Variants in AHCTF1 observed in about 807,000 individuals in gnomAD.
The protein encoded by AHCTF1 is AT-hook containing transcription factor 1.
In AHCTF1, 24 loss-of-function variants were observed where a neutral mutation model predicts 248.4. That is an observed-to-expected ratio of 0.10 (90% CI 0.07 to 0.14). AHCTF1 has a LOEUF of 0.14. AHCTF1 is among the 10% of genes least tolerant of loss of function. The pLI is 1.00. For synonymous variants in AHCTF1, 786 were observed against 929.8 expected (o/e 0.85, Z 2.81); for missense variants, 2,206 against 2,636.2 (o/e 0.84, Z 3.57).
At chr1:246,842,084 C>G (rs942504635) in intron 35 of AHCTF1, among the ~76,000 whole-genome samples, 3 of 151,942 alleles carry the variant, frequency 2.0e-5, no homozygotes, top group African/African-American at 7.3e-5. Context: ...TGAGCCACCA[C>G]GCCCGACCTC....
intron 33 of AHCTF1, among the ~76,000 whole-genome samples, chr1:246,847,472 T>C (rs1283952999): frequency 2.6e-5 from 4 of 152,176 alleles, no homozygotes; most frequent in African/African-American, 4.8e-5. Context: ...TATATACTTC[T>C]ATTTTAGAGT....
intron 11 of AHCTF1, among the ~76,000 whole-genome samples, chr1:246,898,958 G>C (rs1001930027): frequency 6.6e-6 from 1 of 152,160 alleles, no homozygotes; most frequent in South Asian, 2.1e-4. Flanking sequence ...GCGTGGTGGT[G>C]AGCACCTGTA....
At chr1:246,863,137 G>A (rs1164144740) in intron 27 of AHCTF1, among the ~76,000 whole-genome samples, 1 of 152,110 alleles carries the variant, frequency 6.6e-6, no homozygotes, top group Non-Finnish European at 1.5e-5. Context: ...ATACTATACT[G>A]AATATTTTAA....
intron 35 of AHCTF1, among the ~76,000 whole-genome samples, chr1:246,842,410 C>T (rs1232663255): frequency 2.0e-5 from 3 of 151,728 alleles, no homozygotes; most frequent in African/African-American, 4.8e-5. Context: ...GATAAAATGC[C>T]GTCTCTACTA....
At chr1:246,861,372 T>C in intron 28 of AHCTF1, 77 bp from the exon 29 acceptor site, 1 of 1,260,568 alleles carries the variant, frequency 7.9e-7, no homozygotes, top group Non-Finnish European at 1.1e-6. Context: ...CCCATCCCAA[T>C]CATACCCATA....
chr1:246,850,175 C>T lies in AHCTF1; in HGVS notation c.5831G>A (p.Ser1944Asn). 6.2e-7 allele frequency: 1 copy of T among 1,613,874 alleles called. No homozygotes were observed. Among genetic ancestry groups the T allele is most frequent in the South Asian group, 1.1e-5 (1 of 91,072 alleles). ...HVRRVRGREV[S>N]PSDVREDSNL... ...GGAGTCTTCTCTCACATCTGATGGA[C>T]TAACTTCTCTCCCTCTGACCCTTCT... Residue 1944 changes from serine (S) to asparagine (N), a missense_variant, in exon 33 of 36, where the codon AGT (serine) becomes AAT (asparagine). Transcript: ENST00000648844.
intron 33 of AHCTF1, among the ~76,000 whole-genome samples, chr1:246,847,076 C>T (rs1248468093): frequency 6.6e-6 from 1 of 152,158 alleles, no homozygotes; most frequent in Non-Finnish European, 1.5e-5. Flanking sequence ...TATCTGAGGT[C>T]AGGCGTTTGA....
chr1:246,893,917 T>G (rs1351794468), intron 14 of AHCTF1, among the ~76,000 whole-genome samples: 6 of 152,240 alleles, frequency 3.9e-5, no homozygotes, highest in African/African-American at 1.4e-4. Flanking sequence ...CAAAAATTAC[T>G]TTTGGCTGGA....
chr1:246,891,529 C>A (rs568260320), intron 15 of AHCTF1, among the ~76,000 whole-genome samples: 1 of 152,226 alleles, frequency 6.6e-6, no homozygotes, highest in Non-Finnish European at 1.5e-5. Context: ...AACTTTACTG[C>A]AAATACATTA....
At chr1:246,916,779 C>A (rs1425732899) in intron 2 of AHCTF1, among the ~76,000 whole-genome samples, 2 of 152,194 alleles carry the variant, frequency 1.3e-5, no homozygotes, top group Admixed American at 1.3e-4. Context: ...TACTGTTTAA[C>A]CTTCCCAAAG....
chr1:246,897,758 G>C (rs1664689992), intron 12 of AHCTF1, among the ~76,000 whole-genome samples: 3 of 152,024 alleles, frequency 2.0e-5, no homozygotes. Context: ...AGGTGGGAGG[G>C]TAACTTGAGG....
chr1:246,925,718 C>A (rs1666877317), intron 1 of AHCTF1, among the ~76,000 whole-genome samples: 1 of 152,106 alleles, frequency 6.6e-6, no homozygotes, highest in South Asian at 2.1e-4. Context: ...TAGGAGGTGT[C>A]TGGGTCATGG....
intron 8 of AHCTF1, among the ~76,000 whole-genome samples, chr1:246,902,214 C>T (rs1665052919): frequency 6.6e-6 from 1 of 152,188 alleles, no homozygotes; most frequent in African/African-American, 2.4e-5. Context: ...GTATGCCATA[C>T]ATGGCTCAAA....
At position 246,918,292 on chromosome 1, in the gene AHCTF1, C is replaced by T. The variant is rs769153631; in HGVS notation, c.79G>A (p.Glu27Lys). ...CGAAGCACAGATTCTAATGTTATTT[C>T]GTCTTCTCCAAGGGCTTGAAGAGTC... ...EVTLQALGEDEITLESVLRGK... is the reference protein window; with the variant it reads ...EVTLQALGEDKITLESVLRGK... Residue 27 changes from glutamate to lysine, a missense_variant, in exon 2 of 36, where the codon GAA becomes AAA. Physicochemically the swap from Glu to Lys is moderately conservative, Grantham distance 56. Transcript: ENST00000648844. 14 of 1,611,942 alleles carry T rather than the reference C, an allele frequency of 8.7e-6. No homozygotes were observed. Among genetic ancestry groups the T allele is most frequent in the South Asian group, 1.1e-5 (1 of 90,790 alleles).
chr1:246,917,584 A>G (rs1442230351), intron 2 of AHCTF1, among the ~76,000 whole-genome samples: 1 of 152,232 alleles, frequency 6.6e-6, no homozygotes, highest in African/African-American at 2.4e-5. Context: ...AAGTCATCGT[A>G]CAATGCCTGG....
chr1:246,931,052 T>G (rs77855548), intron 1 of AHCTF1: 2 of 1,520,180 alleles, frequency 1.3e-6, no homozygotes, highest in Non-Finnish European at 1.8e-6. Flanking sequence ...TAAATCTCCT[T>G]GATCTGACCA....
At chr1:246,884,411 G>GT in intron 21 of AHCTF1, among the ~76,000 whole-genome samples, 1 of 152,260 alleles carries the variant, frequency 6.6e-6, no homozygotes, top group East Asian at 1.9e-4. Context: ...CCAAGAAAAT[G>GT]TAACTTTCAG....
At chr1:246,906,080 C>T (rs547577611) in intron 5 of AHCTF1, among the ~76,000 whole-genome samples, 4 of 152,268 alleles carry the variant, frequency 2.6e-5, no homozygotes, top group Admixed American at 6.5e-5. Flanking sequence ...TACAAAGAGA[C>T]GAGATACTGC....
chr1:246,931,076 G>A, intron 1 of AHCTF1: 11 of 1,542,286 alleles, frequency 7.1e-6, no homozygotes, highest in Non-Finnish European at 9.6e-6. Flanking sequence ...GGGTGAGCTG[G>A]AACCTCACGG....
Sources: allele counts gnomAD v4.1 joint callset (sites outside exome capture counted in the v4.1 genomes callset), GRCh38; gene constraint gnomAD v4.1.1; transcripts MANE v1.5; gene names NCBI Gene and HGNC (gene_info 2026-07-23, HGNC 2026-07-21).